Variants in WDR27 observed in about 807,000 individuals in gnomAD.
WDR27 encodes the protein WD repeat domain 27.
Under a neutral mutation model 114.4 loss-of-function variants are expected in WDR27, and 100 were observed. The ratio of observed to expected loss-of-function variants is 0.87; its 90% CI spans 0.74 to 1.03. The LOEUF is 1.03. WDR27 is among the 50% of genes least tolerant of loss of function. WDR27 has a pLI of 0.00. For synonymous variants in WDR27, 449 were observed against 423.1 expected (o/e 1.06, Z -0.75); for missense variants, 1,129 against 1,092.9 (o/e 1.03, Z -0.47).
At chr6:169,637,363 C>T (rs1206152724) in intron 18 of WDR27, among the ~76,000 whole-genome samples, 2 of 152,238 alleles carry the variant, frequency 1.3e-5, no homozygotes, top group Non-Finnish European at 2.9e-5. Context: ...AATCATGTGG[C>T]ATTCGCAGAC....
intron 8 of WDR27, among the ~76,000 whole-genome samples, chr6:169,663,188 A>G (rs1382939478): frequency 6.6e-6 from 1 of 152,212 alleles, no homozygotes; most frequent in African/African-American, 2.4e-5. Context: ...AATCAATTGA[A>G]AGAACTTAAC....
intron 2 of WDR27, among the ~76,000 whole-genome samples, chr6:169,676,873 T>C (rs1478439045): frequency 6.6e-6 from 1 of 152,178 alleles, no homozygotes; most frequent in Admixed American, 6.6e-5. Flanking sequence ...ATTGTATAAA[T>C]CCAAGCTGTA....
intron 10 of WDR27, among the ~76,000 whole-genome samples, chr6:169,660,189 T>G (rs932785524): frequency 4.0e-4 from 12 of 30,322 alleles, no homozygotes; most frequent in African/African-American, 7.7e-4. Flanking sequence ...GAGATGGGGG[T>G]CTTGGGGGAG....
intron 23 of WDR27, among the ~76,000 whole-genome samples, chr6:169,597,108 T>G (rs1806945305): frequency 1.3e-5 from 2 of 152,196 alleles, no homozygotes; most frequent in South Asian, 4.1e-4. Flanking sequence ...CATATCAGCT[T>G]CATTTCCCAT....
At chr6:169,565,104 G>C (rs909235875) in intron 25 of WDR27, among the ~76,000 whole-genome samples, 6 of 152,134 alleles carry the variant, frequency 3.9e-5, no homozygotes, top group Non-Finnish European at 8.8e-5. Flanking sequence ...GTGCAGTCCC[G>C]CCACCTTGCT....
At chr6:169,461,761 A>G (rs1295833322) in intron 25 of WDR27, among the ~76,000 whole-genome samples, 9 of 151,996 alleles carry the variant, frequency 5.9e-5, no homozygotes, top group Admixed American at 5.9e-4. Context: ...TAAATAAGAA[A>G]GATCAGAGCA....
chr6:169,609,739 T>G (rs1015908559), intron 22 of WDR27, among the ~76,000 whole-genome samples: 2 of 152,254 alleles, frequency 1.3e-5, no homozygotes, highest in Non-Finnish European at 2.9e-5. Context: ...CTCCTCAGTA[T>G]GTATGCAAAT....
chr6:169,431,571 G>A, the WDR27 span, among the ~76,000 whole-genome samples: 2 of 151,990 alleles, frequency 1.3e-5, no homozygotes. Context: ...TGTTTATGAG[G>A]GATTTTTTTC....
intron 6 of WDR27, among the ~76,000 whole-genome samples, chr6:169,666,163 G>A (rs1160336422): frequency 6.6e-6 from 1 of 152,158 alleles, no homozygotes; most frequent in Non-Finnish European, 1.5e-5. Flanking sequence ...CAAAGATCAA[G>A]TGTATCATTG....
intron 17 of WDR27, among the ~76,000 whole-genome samples, chr6:169,640,854 A>G (rs1818975815): frequency 6.6e-6 from 1 of 152,198 alleles, no homozygotes; most frequent in African/African-American, 2.4e-5. Flanking sequence ...GTCGCACAGG[A>G]GGGAGGGTGA....
chr6:169,497,959 T>C (rs927246275), intron 25 of WDR27, among the ~76,000 whole-genome samples: 1 of 152,134 alleles, frequency 6.6e-6, no homozygotes, highest in Non-Finnish European at 1.5e-5. Context: ...TGTTCAAACA[T>C]GTTCATAACA....
chr6:169,595,001 A>T (rs1806488286), intron 23 of WDR27, among the ~76,000 whole-genome samples: 1 of 152,140 alleles, frequency 6.6e-6, no homozygotes, highest in Non-Finnish European at 1.5e-5. Flanking sequence ...GTGAAACCTC[A>T]TCTCTAAAAA....
chr6:169,683,292 A>T (rs1782011028), intron 2 of WDR27, among the ~76,000 whole-genome samples: 1 of 152,200 alleles, frequency 6.6e-6, no homozygotes, highest in Admixed American at 6.5e-5. Flanking sequence ...CAAAGAGAGG[A>T]TCTTGAAAGC....
chr6:169,581,576 A>T (rs1380089301), intron 24 of WDR27, among the ~76,000 whole-genome samples: 2 of 152,208 alleles, frequency 1.3e-5, no homozygotes, highest in Non-Finnish European at 2.9e-5. Context: ...AGTATTATTT[A>T]TAATAGGGAA....
intron 2 of WDR27, among the ~76,000 whole-genome samples, chr6:169,679,455 A>C (rs1780908984): frequency 6.6e-6 from 1 of 152,366 alleles, no homozygotes; most frequent in Non-Finnish European, 1.5e-5. Context: ...TGTCCCCTGC[A>C]AATCTCATGT....
rs1784415325 is a variant in WDR27 at position 169,457,507 on chromosome 6, C to T, written c.*85G>A. On this transcript the variant is annotated 3_prime_UTR_variant, in exon 26 of 26. Transcript: ENST00000448612. Reference sequence around the variant, plus strand: ...GAAAAACAGTTGCTGCTTCTGGCCCCCTGATGGATGAACCACTACTTCTTA... The same window carrying T: ...GAAAAACAGTTGCTGCTTCTGGCCCTCTGATGGATGAACCACTACTTCTTA... 8.3e-7 allele frequency: 1 copy of T among 1,209,778 alleles called. No individual in the cohort carries two copies. The highest frequency in any genetic ancestry group is 1.5e-5 in the South Asian group (1 of 65,690). 74.9% of individuals were successfully genotyped at this position (1,209,778 alleles called of 1,614,324 possible).
chr6:169,445,786 C>T, the WDR27 span, among the ~76,000 whole-genome samples: 1 of 152,242 alleles, frequency 6.6e-6, no homozygotes, highest in East Asian at 1.9e-4. Context: ...TCCCTGCCTG[C>T]AGCTGCAGAC....
chr6:169,489,089 C>T (rs577506511), intron 25 of WDR27, among the ~76,000 whole-genome samples: 2 of 152,004 alleles, frequency 1.3e-5, no homozygotes, highest in South Asian at 2.1e-4. Context: ...GGTGCTTTTA[C>T]TTCCCGACCC....
At chr6:169,437,165 C>A in the WDR27 span, among the ~76,000 whole-genome samples, 1 of 152,092 alleles carries the variant, frequency 6.6e-6, no homozygotes, top group Admixed American at 6.5e-5. Flanking sequence ...CAAAAACTGG[C>A]AGGTCTAAGC....
Sources: gnomAD v4.1 joint callset for allele counts (sites outside exome capture counted in the v4.1 genomes callset) on GRCh38, gnomAD v4.1.1 for gene constraint, MANE v1.5 for transcripts, NCBI Gene and HGNC (gene_info 2026-07-23, HGNC 2026-07-21) for gene names.